PCDH11Y: variants seen among roughly 807,000 people sequenced by gnomAD.
PCDH11Y encodes protocadherin-11 Y-linked.
For synonymous variants in PCDH11Y, 9 were observed against 83.6 expected (o/e 0.11, Z 4.87); for missense variants, 12 against 224.8 (o/e 0.05, Z 6.05).
chrY:5,153,986 G>T, intron 2 of PCDH11Y, among the ~76,000 whole-genome samples: 1 of 25,819 alleles, frequency 3.9e-5, no homozygotes, highest in Non-Finnish European at 9.0e-5. Flanking sequence ...AAAAAAAGAG[G>T]TCCTCTCCAA....
At chrY:5,232,953 T>C (rs2052969560) in intron 2 of PCDH11Y, among the ~76,000 whole-genome samples, 7 of 32,312 alleles carry the variant, frequency 2.2e-4, no homozygotes, top group Non-Finnish European at 7.5e-5. Flanking sequence ...CTGGTTTTGC[T>C]TTCTGCTTTA....
At chrY:5,322,792 G>A (rs2124665975) in intron 2 of PCDH11Y, among the ~76,000 whole-genome samples, 1 of 32,527 alleles carries the variant, frequency 3.1e-5, no homozygotes, top group Admixed American at 2.9e-4. Flanking sequence ...TACATTTTAT[G>A]TTGTGAGGTT....
chrY:5,586,293 T>C (rs1602946884), intron 4 of PCDH11Y, among the ~76,000 whole-genome samples: 26 of 32,098 alleles, frequency 8.1e-4, no homozygotes, highest in African/African-American at 3.2e-3. Flanking sequence ...TGGCTTGTAG[T>C]TCTCCTTGTA....
chrY:5,658,023 A>G, intron 4 of PCDH11Y, among the ~76,000 whole-genome samples: 1 of 33,614 alleles, frequency 3.0e-5, no homozygotes, highest in African/African-American at 1.2e-4. Context: ...AGAGTAGTTT[A>G]CATACCATGA....
intron 4 of PCDH11Y, among the ~76,000 whole-genome samples, chrY:5,595,336 T>C: frequency 3.1e-5 from 1 of 32,007 alleles, no homozygotes. Flanking sequence ...TTGTAAAATA[T>C]AAATATCAAT....
intron 4 of PCDH11Y, among the ~76,000 whole-genome samples, chrY:5,697,946 G>A: frequency 3.1e-5 from 1 of 31,944 alleles, no homozygotes; most frequent in South Asian, 7.2e-4. Context: ...TTTTGTAGTG[G>A]ATCATAATGG....
chrY:5,440,737 C>CTATA (rs1270510256), intron 2 of PCDH11Y, among the ~76,000 whole-genome samples: 9 of 8,804 alleles, frequency 1.0e-3, no homozygotes, highest in African/African-American at 3.6e-3. Context: ...TTTTAATAAA[C>CTATA]TATATATATA....
At chrY:5,482,031 G>C in intron 2 of PCDH11Y, among the ~76,000 whole-genome samples, 1 of 17,328 alleles carries the variant, frequency 5.8e-5, no homozygotes, top group African/African-American at 2.3e-4. Flanking sequence ...ACACAGTCTC[G>C]CCTTGTTGCC....
At chrY:5,662,335 AT>A (rs2053541673) in intron 4 of PCDH11Y, among the ~76,000 whole-genome samples, 1 of 26,701 alleles carries the variant, frequency 3.7e-5, no homozygotes, top group South Asian at 9.5e-4. Context: ...TATTTAAAAA[AT>A]ATTCCAAATT....
chrY:5,736,153 G>A (rs1602965577), intron 4 of PCDH11Y, among the ~76,000 whole-genome samples: 3 of 32,832 alleles, frequency 9.1e-5, no homozygotes, highest in Non-Finnish European at 1.5e-4. Flanking sequence ...TTTGAATATC[G>A]TGTCAGCTGT....
At chrY:5,444,327 T>A in intron 2 of PCDH11Y, among the ~76,000 whole-genome samples, 1 of 30,707 alleles carries the variant, frequency 3.3e-5, no homozygotes, top group Non-Finnish European at 7.9e-5. Context: ...TATTTGAAAA[T>A]CTCATATTTG....
chrY:5,379,896 CCT>C (rs2053203178), intron 2 of PCDH11Y, among the ~76,000 whole-genome samples: 1 of 29,837 alleles, frequency 3.4e-5, no homozygotes, highest in African/African-American at 1.3e-4. Context: ...TACAGAAATC[CCT>C]CTGTCCTTAT....
At chrY:5,325,111 T>A in intron 2 of PCDH11Y, among the ~76,000 whole-genome samples, 1 of 32,819 alleles carries the variant, frequency 3.0e-5, no homozygotes, top group Non-Finnish European at 7.5e-5. Flanking sequence ...TGGAATGTCA[T>A]CAGTTAAGGT....
chrY:5,231,985 A>C, intron 2 of PCDH11Y, among the ~76,000 whole-genome samples: 2 of 32,222 alleles, frequency 6.2e-5, no homozygotes, highest in Admixed American at 5.6e-4. Flanking sequence ...TTATGACCCA[A>C]GGTCTCTTAA....
chrY:5,144,588 T>C, intron 2 of PCDH11Y, among the ~76,000 whole-genome samples: 1 of 33,269 alleles, frequency 3.0e-5, no homozygotes, highest in Non-Finnish European at 7.5e-5. Flanking sequence ...TGTGGGTGAA[T>C]TTCCCATTTA....
At chrY:5,115,054 C>G (rs2052807456) in intron 2 of PCDH11Y, among the ~76,000 whole-genome samples, 1 of 30,727 alleles carries the variant, frequency 3.3e-5, no homozygotes, top group Non-Finnish European at 7.7e-5. Context: ...ATGAGTTACA[C>G]TCAAAAAGTA....
chrY:5,658,671 T>C, intron 4 of PCDH11Y, among the ~76,000 whole-genome samples: 2 of 33,269 alleles, frequency 6.0e-5, no homozygotes, highest in Non-Finnish European at 1.5e-4. Flanking sequence ...TTAAATTATT[T>C]CAATCTCTTT....
intron 2 of PCDH11Y, among the ~76,000 whole-genome samples, chrY:5,163,476 ATGTG>A (rs2052876358): frequency 3.0e-5 from 1 of 32,919 alleles, no homozygotes; most frequent in Non-Finnish European, 7.5e-5. Flanking sequence ...TATAGTTTGG[ATGTG>A]TGCCCTGCCT....
intron 3 of PCDH11Y, among the ~76,000 whole-genome samples, chrY:5,521,919 G>C: frequency 9.2e-5 from 3 of 32,570 alleles, no homozygotes; most frequent in Non-Finnish European, 1.5e-4. Flanking sequence ...GCTCAGGCTG[G>C]AGTGCAGTGG....
Sources: allele counts gnomAD v4.1 joint callset (sites outside exome capture counted in the v4.1 genomes callset), GRCh38; gene constraint gnomAD v4.1.1; transcripts MANE v1.5; gene names NCBI Gene and HGNC (gene_info 2026-07-23, HGNC 2026-07-21).